GREB1L: variants seen among roughly 807,000 people sequenced by gnomAD.
GREB1L encodes the protein GREB1 like retinoic acid receptor coactivator, also known as GREB1-like protein.
Under a neutral mutation model 200.8 loss-of-function variants are expected in GREB1L, and 17 were observed. The ratio of observed to expected loss-of-function variants is 0.08; its 90% CI spans 0.06 to 0.13. GREB1L has a LOEUF of 0.13. GREB1L is among the 10% of genes least tolerant of loss of function. The pLI, the probability that GREB1L is intolerant of heterozygous loss-of-function variation, is 1.00. For synonymous variants in GREB1L, 789 were observed against 893.0 expected (o/e 0.88, Z 2.08); for missense variants, 1,657 against 2,367.7 (o/e 0.70, Z 6.23).
chr18:21,513,897 C>A lies in GREB1L; in HGVS notation c.4812C>A (p.Gly1604=), dbSNP rs1279145781. ...AGAGAAACCGCCTGGAGGAGCTAGG[C>A]ATTAAACGCCAGTGTGTCTGGCCTT... ...ELERNRLEEL[G]IKRQCVWPFI... is the part of the protein sequence containing the mutation. The change falls in exon 28 of 33, where the codon GGC becomes GGA. Residue 1604 remains glycine (G), a synonymous_variant. Coordinates refer to ENST00000424526, the MANE Select transcript of GREB1L (RefSeq NM_001142966.3). The A allele has an allele frequency of 6.4e-7, 1 of 1,551,352 alleles. No individual in the cohort carries two copies. The highest frequency in any genetic ancestry group is 8.7e-7 in the Non-Finnish European group (1 of 1,146,790).
At chr18:21,399,445 A>G (rs1162403681) in intron 5 of GREB1L, among the ~76,000 whole-genome samples, 1 of 91,508 alleles carries the variant, frequency 1.1e-5, no homozygotes, top group Non-Finnish European at 2.2e-5. Context: ...GGTTGGATGG[A>G]TGGATGGTTG....
chr18:21,484,186 T>C (rs2145797223), intron 17 of GREB1L, among the ~76,000 whole-genome samples: 1 of 150,098 alleles, frequency 6.7e-6, no homozygotes. Flanking sequence ...ATAATTTTTT[T>C]TTTTTTTGAG....
intron 14 of GREB1L, among the ~76,000 whole-genome samples, chr18:21,452,895 C>T (rs2034592346): frequency 6.6e-6 from 1 of 152,210 alleles, no homozygotes; most frequent in African/African-American, 2.4e-5. Flanking sequence ...TTGGCCCCCA[C>T]TTGATAGGAA....
rs867068406 is a variant in GREB1L at position 21,275,112 on chromosome 18, C to T, written c.-120+32719C>T. Among the ~76,000 whole-genome samples the T allele has an allele frequency of 4.0e-4, 61 of 151,876 alleles. 1 individual carries two copies. The highest frequency in any genetic ancestry group is 6.8e-3 in the Middle Eastern group (2 of 294). On this transcript the variant is annotated intron_variant, in intron 1 of 32. Coordinates refer to ENST00000424526, the MANE Select transcript of GREB1L (RefSeq NM_001142966.3). ...AAAATTAGCTAGGCATGGTGGCACACGCCTGTAATCCCAGCTACTCAGGAG... is the reference window on the plus strand; with the variant it reads ...AAAATTAGCTAGGCATGGTGGCACATGCCTGTAATCCCAGCTACTCAGGAG...
At chr18:21,419,509 A>G (rs990359652) in intron 7 of GREB1L, among the ~76,000 whole-genome samples, 2 of 152,162 alleles carry the variant, frequency 1.3e-5, no homozygotes, top group Admixed American at 1.3e-4. Flanking sequence ...CTGGAGTGCT[A>G]TGGTGTGATC....
intron 15 of GREB1L, among the ~76,000 whole-genome samples, chr18:21,467,837 A>G (rs995336658): frequency 5.3e-5 from 8 of 152,260 alleles, no homozygotes; most frequent in African/African-American, 1.9e-4. Flanking sequence ...ATTCTGGCTA[A>G]CACAGTGAAA....
intron 7 of GREB1L, among the ~76,000 whole-genome samples, chr18:21,428,710 C>CTTT (rs747598415): frequency 4.0e-5 from 2 of 49,926 alleles, no homozygotes; most frequent in African/African-American, 1.4e-4. Flanking sequence ...CGGTTTATCT[C>CTTT]TTTTTTTTTT....
intron 32 of GREB1L, among the ~76,000 whole-genome samples, 181 bp from the exon 33 acceptor site, chr18:21,522,477 A>T (rs976812686): frequency 5.9e-5 from 9 of 152,224 alleles, no homozygotes; most frequent in Non-Finnish European, 7.3e-5. Flanking sequence ...CGTCTCAAAA[A>T]AAGAAACAAA....
chr18:21,245,156 C>T (rs936758271), intron 1 of GREB1L, among the ~76,000 whole-genome samples: 3 of 152,064 alleles, frequency 2.0e-5, no homozygotes, highest in South Asian at 2.1e-4. Flanking sequence ...TTAGTGACTG[C>T]GTATGGTCTA....
chr18:21,375,319 C>T (rs867041539), intron 2 of GREB1L, among the ~76,000 whole-genome samples: 48 of 152,118 alleles, frequency 3.2e-4, no homozygotes, highest in African/African-American at 1.1e-3. Context: ...ACCTCAGCCT[C>T]CCAAAGTGCT....
At chr18:21,494,541 A>G (rs900459759) in intron 19 of GREB1L, among the ~76,000 whole-genome samples, 2 of 152,148 alleles carry the variant, frequency 1.3e-5, no homozygotes, top group African/African-American at 2.4e-5. Context: ...ACAAAATTGT[A>G]TGCATTACTG....
chr18:21,243,448 C>T (rs1489255208), intron 1 of GREB1L, among the ~76,000 whole-genome samples: 3 of 152,220 alleles, frequency 2.0e-5, no homozygotes, highest in Admixed American at 6.5e-5. Context: ...GGATAGAAAC[C>T]ACATTTTAAT....
At chr18:21,270,223 A>C (rs528636816) in intron 1 of GREB1L, among the ~76,000 whole-genome samples, 1 of 152,246 alleles carries the variant, frequency 6.6e-6, no homozygotes, top group Non-Finnish European at 1.5e-5. Flanking sequence ...AACAAAGTGA[A>C]AAAGGGGACA....
At chr18:21,351,572 TAA>T (rs577407216) in intron 1 of GREB1L, among the ~76,000 whole-genome samples, 19 of 138,470 alleles carry the variant, frequency 1.4e-4, no homozygotes, top group Admixed American at 2.2e-4. Context: ...GACTTTGTCT[TAA>T]AAAAAAAAAA....
At chr18:21,363,265 G>GCCC (rs1356372914) in intron 1 of GREB1L, among the ~76,000 whole-genome samples, 2 of 32,616 alleles carry the variant, frequency 6.1e-5, no homozygotes, top group Non-Finnish European at 1.1e-4. Flanking sequence ...GGCTCCCCCT[G>GCCC]CCCCCACTCC....
At chr18:21,447,457 A>AAGCG (rs2034287934) in intron 11 of GREB1L, among the ~76,000 whole-genome samples, 1 of 152,230 alleles carries the variant, frequency 6.6e-6, no homozygotes, top group South Asian at 2.1e-4. Flanking sequence ...AACTGTATAA[A>AAGCG]AGCGAGCTTT....
chr18:21,324,994 A>T (rs542033529), intron 1 of GREB1L, among the ~76,000 whole-genome samples: 1 of 152,284 alleles, frequency 6.6e-6, no homozygotes, highest in South Asian at 2.1e-4. Context: ...AATACCCAGG[A>T]TTGCCTTTTC....
At chr18:21,383,942 C>G (rs1241348903) in intron 3 of GREB1L, among the ~76,000 whole-genome samples, 1 of 152,048 alleles carries the variant, frequency 6.6e-6, no homozygotes, top group African/African-American at 2.4e-5. Flanking sequence ...TCTTGAACTC[C>G]TGACCTCGTG....
At chr18:21,486,695 C>CTG (rs1285196662) in intron 18 of GREB1L, among the ~76,000 whole-genome samples, 2 of 151,814 alleles carry the variant, frequency 1.3e-5, no homozygotes, top group Non-Finnish European at 2.9e-5. Flanking sequence ...TTTTTTCCCT[C>CTG]TGTGACCTTG....
Sources: allele counts gnomAD v4.1 joint callset (sites outside exome capture counted in the v4.1 genomes callset), GRCh38; gene constraint gnomAD v4.1.1; transcripts MANE v1.5; gene names NCBI Gene and HGNC (gene_info 2026-07-23, HGNC 2026-07-21).